WWP1: variants seen among roughly 807,000 people sequenced by gnomAD.
WWP1 encodes the protein NEDD4-like E3 ubiquitin-protein ligase WWP1.
WWP1 carries 49 observed loss-of-function variants against 130.6 expected under a neutral mutation model. That is an observed-to-expected ratio of 0.38 (90% CI 0.30 to 0.48). The LOEUF (loss-of-function observed/expected upper bound fraction) is 0.48, where lower values mean the gene tolerates loss of function less well. Among genes scored for constraint, WWP1 ranks in the 20% least tolerant of loss-of-function variants. WWP1 has a pLI of 0.99. For missense variants in WWP1, 809 were observed against 1,100.6 expected (o/e 0.74, Z 3.75); for synonymous variants, 332 against 367.8 (o/e 0.90, Z 1.11).
intron 24 of WWP1, among the ~76,000 whole-genome samples, chr8:86,465,559 G>A (rs920477793): frequency 7.2e-5 from 11 of 152,146 alleles, no homozygotes; most frequent in African/African-American, 2.7e-4. Flanking sequence ...CTTCAGCCTG[G>A]GAGGTCGAGG....
chr8:86,358,049 T>A (rs1823359070), intron 1 of WWP1, among the ~76,000 whole-genome samples: 1 of 152,214 alleles, frequency 6.6e-6, no homozygotes, highest in Admixed American at 6.5e-5. Context: ...ATATGACTTC[T>A]AAAGTGTTTG....
intron 22 of WWP1, among the ~76,000 whole-genome samples, 153 bp from the exon 23 acceptor site, chr8:86,461,071 A>ATC (rs1811744816): frequency 6.6e-6 from 1 of 151,836 alleles, no homozygotes; most frequent in East Asian, 1.9e-4. Context: ...GGCCTCCCAA[A>ATC]ATGCTGGGAT....
intron 2 of WWP1, among the ~76,000 whole-genome samples, chr8:86,370,855 CTTTTTTTTTTTTTTTTTTT>C (rs555585296): frequency 4.5e-5 from 2 of 44,862 alleles, no homozygotes; most frequent in African/African-American, 1.0e-4. Flanking sequence ...TATATTCATT[CTTTTTTTTTTTTTTTTTTT>C]TTTTTTTTTG....
intron 9 of WWP1, among the ~76,000 whole-genome samples, chr8:86,422,206 GCTTCCGAAACACTGC>G (rs2130624299): frequency 6.6e-6 from 1 of 152,114 alleles, no homozygotes; most frequent in South Asian, 2.1e-4. Context: ...CTCTCATGTC[GCTTCCGAAACACTGC>G]CTTCTCGAGT....
At chr8:86,414,461 G>C (rs568747964) in intron 9 of WWP1, among the ~76,000 whole-genome samples, 5 of 152,138 alleles carry the variant, frequency 3.3e-5, no homozygotes, top group Non-Finnish European at 7.4e-5. Context: ...TGGGGAGATA[G>C]AATAGAAAAA....
intron 9 of WWP1, among the ~76,000 whole-genome samples, chr8:86,413,780 C>T (rs17608967): frequency 0.37 from 56,964 of 152,008 alleles, 11,488 homozygotes; most frequent in Middle Eastern, 0.48. Flanking sequence ...TGTGTGATTT[C>T]GAAGGGTTTG....
intron 14 of WWP1, among the ~76,000 whole-genome samples, chr8:86,434,298 A>G (rs144246400): frequency 3.9e-5 from 6 of 152,312 alleles, no homozygotes; most frequent in African/African-American, 1.4e-4. Flanking sequence ...GACCCCTCTT[A>G]TCTCTTCAAC....
At chr8:86,374,586 TA>T (rs1824523791) in intron 3 of WWP1, among the ~76,000 whole-genome samples, 2 of 152,276 alleles carry the variant, frequency 1.3e-5, no homozygotes, top group South Asian at 4.1e-4. Flanking sequence ...AAGCAAAAAA[TA>T]AAAAATATTT....
intron 7 of WWP1, among the ~76,000 whole-genome samples, chr8:86,400,842 T>C (rs999266124): frequency 6.6e-6 from 1 of 152,114 alleles, no homozygotes; most frequent in African/African-American, 2.4e-5. Context: ...TGTGGCTGAT[T>C]TTCAAAAGAT....
chr8:86,454,301 TTTAA>T (rs1318951420), intron 21 of WWP1, among the ~76,000 whole-genome samples: 1 of 152,138 alleles, frequency 6.6e-6, no homozygotes, highest in Non-Finnish European at 1.5e-5. Context: ...TTTTATTTTT[TTTAA>T]TTGTCATATT....
chr8:86,392,940 T>C (rs564888213), intron 5 of WWP1, among the ~76,000 whole-genome samples: 11 of 152,322 alleles, frequency 7.2e-5, no homozygotes, highest in African/African-American at 2.6e-4. Context: ...TCTACTAATT[T>C]ATATACACAA....
chr8:86,380,772 AAT>A lies in WWP1; in HGVS notation c.123_124del (p.Thr42ArgfsTer16), dbSNP rs1563481333. 6.2e-7 allele frequency: 1 copy of A among 1,612,804 alleles called. No homozygotes were observed. The highest frequency in any genetic ancestry group is 8.5e-7 in the Non-Finnish European group (1 of 1,179,552). On this transcript the variant is annotated frameshift_variant, in exon 4 of 25. Coordinates refer to ENST00000517970, the MANE Select transcript of WWP1 (RefSeq NM_007013.4). LOFTEE classifies it high-confidence loss of function. Reference sequence around the variant, plus strand: ...GAAAAAAGAACTGGTTCGGAACAGCAATATATACAGAAGTAGTTGTAGATGGA... The same window carrying A: ...GAAAAAAGAACTGGTTCGGAACAGCAATATACAGAAGTAGTTGTAGATGGA... ...KRKKNWFGTAIYTEVVVDGEI... is the reference protein window; with the variant it reads ...KRKKNWFGTAXYTEVVVDGEI...
chr8:86,459,202 G>T (rs1811629278), intron 22 of WWP1, among the ~76,000 whole-genome samples: 2 of 149,840 alleles, frequency 1.3e-5, no homozygotes, highest in South Asian at 4.2e-4. Flanking sequence ...TGCCCGGCTA[G>T]TTTTTGCATT....
intron 1 of WWP1, among the ~76,000 whole-genome samples, chr8:86,344,379 A>G (rs559487272): frequency 3.9e-5 from 6 of 152,208 alleles, no homozygotes; most frequent in Non-Finnish European, 8.8e-5. Context: ...TCTGCCTTCA[A>G]AGAGATGGTA....
intron 5 of WWP1, among the ~76,000 whole-genome samples, chr8:86,391,951 T>C (rs1323678483): frequency 1.3e-5 from 2 of 152,218 alleles, no homozygotes; most frequent in East Asian, 3.8e-4. Context: ...GTAAGCCGTT[T>C]TTAGTAAATG....
At chr8:86,342,984 G>A in intron 1 of WWP1, 54 bp downstream of exon 1, 1 of 307,996 alleles carries the variant, frequency 3.2e-6, no homozygotes, top group East Asian at 5.1e-5. Context: ...GCGGGAGGGG[G>A]CACGGGCCCT....
intron 1 of WWP1, among the ~76,000 whole-genome samples, chr8:86,364,081 T>C (rs1466919138): frequency 1.3e-5 from 2 of 152,156 alleles, no homozygotes; most frequent in East Asian, 1.9e-4. Flanking sequence ...GCAGGGCTAT[T>C]TAGAAGGCAA....
intron 9 of WWP1, among the ~76,000 whole-genome samples, chr8:86,413,180 G>C (rs1419403380): frequency 2.6e-5 from 4 of 152,206 alleles, no homozygotes; most frequent in South Asian, 4.1e-4. Context: ...ACTTTTCTTT[G>C]AGCTTATTTT....
intron 9 of WWP1, among the ~76,000 whole-genome samples, chr8:86,419,349 C>T (rs745514956): frequency 9.2e-5 from 14 of 152,216 alleles, no homozygotes; most frequent in Middle Eastern, 3.4e-3. Flanking sequence ...ACCTGGGAGA[C>T]GGAGGTTGCA....
Sources: gnomAD v4.1 joint callset for allele counts (sites outside exome capture counted in the v4.1 genomes callset) on GRCh38, gnomAD v4.1.1 for gene constraint, MANE v1.5 for transcripts, NCBI Gene and HGNC (gene_info 2026-07-23, HGNC 2026-07-21) for gene names.